The following TRPM4 variants were observed in gnomAD, a reference collection of about 807,000 sequenced individuals.
The protein encoded by TRPM4 is transient receptor potential cation channel subfamily M member 4.
Under a neutral mutation model 135.6 loss-of-function variants are expected in TRPM4, and 124 were observed. The ratio of observed to expected loss-of-function variants is 0.91; its 90% CI spans 0.79 to 1.06. The LOEUF (loss-of-function observed/expected upper bound fraction) is 1.06, where lower values mean the gene tolerates loss of function less well. Ranked by LOEUF, TRPM4 falls within the 50% of genes least tolerant of loss-of-function variation. TRPM4 has a pLI of 0.00. For missense variants in TRPM4, 1,658 were observed against 1,671.4 expected (o/e 0.99, Z 0.14); for synonymous variants, 745 against 705.6 (o/e 1.06, Z -0.88).
intron 2 of TRPM4, among the ~76,000 whole-genome samples, chr19:49,164,239 TTCTTTCTTTCTCTCTTTC>T (rs1967075592): frequency 2.0e-5 from 3 of 150,192 alleles, no homozygotes; most frequent in Admixed American, 6.6e-5. Context: ...CTCTCTCTCT[TTCTTTCTTTCTCTCTTTC>T]TCTTTCTTTC....
chr19:49,197,757 A>G (rs1968752457), intron 17 of TRPM4, among the ~76,000 whole-genome samples: 1 of 150,872 alleles, frequency 6.6e-6, no homozygotes, highest in African/African-American at 2.4e-5. Flanking sequence ...ATCTTGGCTC[A>G]CTGCAACCTC....
intron 20 of TRPM4, among the ~76,000 whole-genome samples, chr19:49,209,995 C>T (rs572204522): frequency 1.1e-4 from 17 of 152,236 alleles, no homozygotes; most frequent in African/African-American, 3.6e-4. Flanking sequence ...GTGATCCGCC[C>T]ACTCCGGCCT....
At chr19:49,170,455 C>G (rs1176978482) in intron 6 of TRPM4, among the ~76,000 whole-genome samples, 1 of 152,122 alleles carries the variant, frequency 6.6e-6, no homozygotes, top group Admixed American at 6.6e-5. Context: ...TCCCAAAGTG[C>G]TGGGATTACA....
intron 2 of TRPM4, chr19:49,158,508 C>G: frequency 1.8e-6 from 1 of 550,734 alleles, no homozygotes; most frequent in Non-Finnish European, 3.2e-6. Flanking sequence ...TCTTTCCTCC[C>G]CGATGTCTCT....
intron 16 of TRPM4, among the ~76,000 whole-genome samples, chr19:49,194,807 C>T (rs1218555745): frequency 1.4e-5 from 2 of 148,104 alleles, no homozygotes; most frequent in South Asian, 2.2e-4. Flanking sequence ...CTGTTGCCTC[C>T]GCTGAAGTAT....
Position 49,190,294 on chromosome 19 carries a change from C to A in TRPM4, c.2106C>A (p.Leu702=). 6.2e-7 allele frequency: 1 copy of A among 1,613,276 alleles called. No individual in the cohort carries two copies. Among genetic ancestry groups the A allele is most frequent in the Non-Finnish European group, 8.5e-7 (1 of 1,179,534 alleles). ...ALVLAFFCPP[L]IYTRLITFRK... is the part of the protein sequence containing the mutation. ...TTCTCGCCTTCTTTTGCCCTCCACT[C>A]ATCTACACCCGCCTCATCACCTTCA... is the stretch of plus-strand genomic sequence containing the variant. Residue 702 remains leucine (L), a synonymous_variant, in exon 15 of 25, where the codon CTC becomes CTA. Transcript: ENST00000252826.
In TRPM4 at chr19:49,195,463, C is replaced by T. The variant is rs559081678; in HGVS notation, c.2211-977C>T. On this transcript the variant is annotated intron_variant, in intron 16 of 24. Transcript: ENST00000252826. ...TCAGTTCACCACAACCTCCGCCTCCCGGGTTCAAGCGATTCTCCTGCATCA... is the reference window on the plus strand; with the variant it reads ...TCAGTTCACCACAACCTCCGCCTCCTGGGTTCAAGCGATTCTCCTGCATCA... Among the ~76,000 whole-genome samples the T allele has an allele frequency of 1.2e-4, 19 of 152,230 alleles. No homozygotes were observed. The South Asian group carries it at 1.9e-3, about 15-fold the overall frequency.
rs1318469201 is a variant in TRPM4, at chr19:49,168,791, C to T, written c.796+55C>T. 5.2e-6 allele frequency: 8 copies of T among 1,525,032 alleles called. 1 individual carries two copies. The highest frequency in any genetic ancestry group is 2.4e-5 in the East Asian group (1 of 41,556). 94.5% of individuals were successfully genotyped at this position (1,525,032 alleles called of 1,614,324 possible). A position where few individuals can be genotyped will look rare whatever the true frequency, so the allele number is the denominator to read the frequency against. On this transcript the variant is annotated intron_variant, in intron 6 of 24. Coordinates refer to ENST00000252826, the MANE Select transcript of TRPM4 (RefSeq NM_017636.4). ...CACGACCCACAACCTGCAACCCCAGCGCTCAGGATCCCAGTAGTTTGGTCT... is the reference window on the plus strand; with the variant it reads ...CACGACCCACAACCTGCAACCCCAGTGCTCAGGATCCCAGTAGTTTGGTCT...
intron 9 of TRPM4, among the ~76,000 whole-genome samples, chr19:49,174,126 GA>G (rs1967579873): frequency 6.6e-6 from 1 of 151,520 alleles, no homozygotes; most frequent in South Asian, 2.1e-4. Context: ...TCGTTAGAAG[GA>G]AAACTTCAAG....
chr19:49,201,893 G>A (rs557680889), intron 19 of TRPM4, 71 bp from the exon 20 acceptor site: 205 of 1,550,326 alleles, frequency 1.3e-4, no homozygotes, highest in Middle Eastern at 3.4e-4. Flanking sequence ...GAGCCACCGC[G>A]CCCGGCAGTC....
At chr19:49,205,231 T>C (rs7253476) in intron 20 of TRPM4, among the ~76,000 whole-genome samples, 8,468 of 152,182 alleles carry the variant, frequency 0.056, 702 homozygotes, top group African/African-American at 0.17. Context: ...AAGGCATCCG[T>C]CAAGCTGTTT....
chr19:49,172,098 C>T lies in TRPM4; in HGVS notation c.1140C>T (p.Ala380=). Residue 380 remains alanine, a synonymous_variant, in exon 9 of 25, where the codon GCC becomes GCT. Transcript: ENST00000252826. The part of the protein sequence containing the change: ...SEEFETIVLK[A]LVKACGSSEA... ...AATTCGAGACCATAGTTTTGAAGGCCCTTGTGAAGGGTAAAAGTTGTACCC... is the reference window on the plus strand; with the variant it reads ...AATTCGAGACCATAGTTTTGAAGGCTCTTGTGAAGGGTAAAAGTTGTACCC... 1 of 1,613,274 alleles carries T rather than the reference C, an allele frequency of 6.2e-7. No individual in the cohort carries two copies. Among genetic ancestry groups the T allele is most frequent in the Non-Finnish European group, 8.5e-7 (1 of 1,179,328 alleles).
rs755764261 is a variant in TRPM4 at position 49,188,669 on chromosome 19, G to A, written c.1772G>A (p.Gly591Glu). 1 of 1,614,130 alleles carries A rather than the reference G, an allele frequency of 6.2e-7. No individual in the cohort carries two copies. Among genetic ancestry groups the A allele is most frequent in the Non-Finnish European group, 8.5e-7 (1 of 1,180,030 alleles). Reference sequence around the variant, plus strand: ...TCCAATGCAGTTTCCTCAGCTCTTGGGGCCTGTTTGCTGCTCCGGGTGATG... The same window carrying A: ...TCCAATGCAGTTTCCTCAGCTCTTGAGGCCTGTTTGCTGCTCCGGGTGATG... ...MGSNAVSSALGACLLLRVMAR... is the reference protein window; with the variant it reads ...MGSNAVSSALEACLLLRVMAR... The change falls in exon 13 of 25, where the codon GGG (glycine) becomes GAG (glutamate). Residue 591 changes from glycine to glutamate, a missense_variant. This residue lies in a region of TRPM4 where 1,412 missense variants were observed against 1,408.7 expected (regional missense o/e 1.00). Transcript: ENST00000252826.
chr19:49,181,530 CTTT>C (rs35727661), intron 10 of TRPM4, 69 bp downstream of exon 10: 10,895 of 502,910 alleles, frequency 0.022, 1 homozygote, highest in East Asian at 0.035. Flanking sequence ...TCTCTGCCTT[CTTT>C]TTTTTTTTTT....
At position 49,166,295 on chromosome 19, in the gene TRPM4, G is replaced by A; in HGVS notation, c.267+80G>A. ...GCTCCAGAGTGGAGCCGGGACGCCCGCCCTGAACCCTGGCCCCTCCGCCCA... is the reference window on the plus strand; with the variant it reads ...GCTCCAGAGTGGAGCCGGGACGCCCACCCTGAACCCTGGCCCCTCCGCCCA... On this transcript the variant is annotated intron_variant, in intron 3 of 24. Coordinates refer to ENST00000252826, the MANE Select transcript of TRPM4 (RefSeq NM_017636.4). The A allele has an allele frequency of 3.5e-6, 5 of 1,434,926 alleles. No individual in the cohort carries two copies. The Middle Eastern group carries it at 7.3e-4, about 209-fold the overall frequency. The allele number at this position is 1,434,926 out of a possible 1,614,324, so 88.9% of individuals were successfully genotyped here. A position where few individuals can be genotyped will look rare whatever the true frequency, so the allele number is the denominator to read the frequency against.
chr19:49,195,474 G>A (rs1435121262), intron 16 of TRPM4, among the ~76,000 whole-genome samples: 3 of 152,032 alleles, frequency 2.0e-5, no homozygotes, highest in Admixed American at 6.6e-5. Context: ...GGGTTCAAGC[G>A]ATTCTCCTGC....
intron 2 of TRPM4, chr19:49,159,872 G>A (rs1237828121): frequency 6.6e-6 from 1 of 152,208 alleles, no homozygotes; most frequent in Non-Finnish European, 1.5e-5. Flanking sequence ...ATATATTAGT[G>A]CAGTATGGCT....
intron 20 of TRPM4, among the ~76,000 whole-genome samples, chr19:49,208,153 C>T (rs1969217585): frequency 6.6e-6 from 1 of 152,074 alleles, no homozygotes. Context: ...AATTTTGCTA[C>T]TGCTATCTAG....
chr19:49,171,271 T>G lies in TRPM4; in HGVS notation c.797-86T>G. 7.0e-7 allele frequency: 1 copy of G among 1,423,228 alleles called. No homozygotes were observed. The highest frequency in any genetic ancestry group is 1.1e-5 in the South Asian group (1 of 87,104). The allele number at this position is 1,423,228 out of a possible 1,614,324, so 88.2% of individuals were successfully genotyped here. A position where few individuals can be genotyped will look rare whatever the true frequency, so the allele number is the denominator to read the frequency against. On this transcript the variant is annotated intron_variant, in intron 6 of 24. Coordinates refer to ENST00000252826, the MANE Select transcript of TRPM4 (RefSeq NM_017636.4). The surrounding 1 kb of genome is among the most constrained non-coding windows in gnomAD (Gnocchi z 4.7). Reference sequence around the variant, plus strand: ...AGAAGATTAGGACAAGGCTGATGTTTGCCGACTCCTGGGAAATGCGGTTTT... The same window carrying G: ...AGAAGATTAGGACAAGGCTGATGTTGGCCGACTCCTGGGAAATGCGGTTTT...
Sources: gnomAD v4.1 joint callset for allele counts (sites outside exome capture counted in the v4.1 genomes callset) on GRCh38, gnomAD v4.1.1 for gene constraint, gnomAD v4.1.1 regional missense constraint, Gnocchi (gnomAD v3.1) non-coding constraint, MANE v1.5 for transcripts, NCBI Gene and HGNC (gene_info 2026-07-23, HGNC 2026-07-21) for gene names.